DLC1: variants seen among roughly 807,000 people sequenced by gnomAD.
The protein encoded by DLC1 is DLC1 Rho GTPase activating protein.
In DLC1, 54 loss-of-function variants were observed where a neutral mutation model predicts 140.3. The ratio of observed to expected loss-of-function variants is 0.38; its 90% CI spans 0.31 to 0.48. DLC1 has a LOEUF of 0.48. DLC1 is among the 20% of genes least tolerant of loss of function. The pLI, the probability that DLC1 is intolerant of heterozygous loss-of-function variation, is 0.96. For missense variants in DLC1, 2,536 were observed against 1,907.0 expected (o/e 1.33, Z -6.14); for synonymous variants, 986 against 728.1 (o/e 1.35, Z -5.70).
At chr8:13,157,274 G>GA (rs999743898) in intron 5 of DLC1, among the ~76,000 whole-genome samples, 8 of 151,688 alleles carry the variant, frequency 5.3e-5, no homozygotes, top group Admixed American at 1.3e-4. Flanking sequence ...ACAGTAAAAA[G>GA]AAAAAAAAGA....
chr8:13,567,961 A>T, intron 1 of DLC1: 1 of 1,525,158 alleles, frequency 6.6e-7, no homozygotes, highest in Non-Finnish European at 8.8e-7. Context: ...ATGTGGATAG[A>T]TGTCTTTGTT....
At chr8:13,480,447 A>C (rs1800676685) in intron 2 of DLC1, among the ~76,000 whole-genome samples, 1 of 152,192 alleles carries the variant, frequency 6.6e-6, no homozygotes, top group Non-Finnish European at 1.5e-5. Flanking sequence ...GATCTTTTAA[A>C]GATAGACTAT....
chr8:13,115,032 C>T (rs1249570291), intron 6 of DLC1, among the ~76,000 whole-genome samples: 1 of 152,220 alleles, frequency 6.6e-6, no homozygotes, highest in African/African-American at 2.4e-5. Context: ...CAAGAATGTT[C>T]ACAACAGCAC....
intron 4 of DLC1, among the ~76,000 whole-genome samples, chr8:13,351,785 A>C (rs141335658): frequency 6.6e-6 from 1 of 152,236 alleles, no homozygotes; most frequent in Non-Finnish European, 1.5e-5. Flanking sequence ...CTGGATGTCT[A>C]TGTTCTGACA....
intron 1 of DLC1, among the ~76,000 whole-genome samples, chr8:13,576,040 A>C (rs1804825235): frequency 6.6e-6 from 1 of 152,226 alleles, no homozygotes; most frequent in South Asian, 2.1e-4. Context: ...AAAAGTGCAT[A>C]GATGGAGCCA....
chr8:13,585,462 C>T (rs920742197), intron 1 of DLC1, among the ~76,000 whole-genome samples: 52 of 152,096 alleles, frequency 3.4e-4, no homozygotes, highest in African/African-American at 1.2e-3. Context: ...TAGAACAAAC[C>T]ACAGGGTAGC....
At chr8:13,204,668 A>G (rs539718305) in intron 5 of DLC1, among the ~76,000 whole-genome samples, 200 of 152,332 alleles carry the variant, frequency 1.3e-3, no homozygotes, top group Non-Finnish European at 1.7e-3. Context: ...AAAATAAATC[A>G]TTGGCAAATA....
chr8:13,161,574 C>G (rs1162024734), intron 5 of DLC1, among the ~76,000 whole-genome samples: 1 of 152,164 alleles, frequency 6.6e-6, no homozygotes, highest in Non-Finnish European at 1.5e-5. Flanking sequence ...TGGCCTCAAA[C>G]AACCCTCCTG....
chr8:13,214,309 A>C (rs1212283914), intron 5 of DLC1: 1 of 235,990 alleles, frequency 4.2e-6, no homozygotes, highest in Non-Finnish European at 8.2e-6. Context: ...GTAAATGACC[A>C]ATTTAGCATC....
At chr8:13,378,693 T>C (rs1011558093) in intron 4 of DLC1, among the ~76,000 whole-genome samples, 13 of 152,180 alleles carry the variant, frequency 8.5e-5, no homozygotes, top group Non-Finnish European at 1.0e-4. Flanking sequence ...TGTAACAATA[T>C]TGAGAGTCTT....
At chr8:13,260,982 C>T (rs751692444) in intron 5 of DLC1, among the ~76,000 whole-genome samples, 1 of 152,076 alleles carries the variant, frequency 6.6e-6, no homozygotes, top group Admixed American at 6.6e-5. Context: ...GTGTGTATGC[C>T]TTTTGGTTTA....
chr8:13,291,018 C>T (rs1288352544), intron 5 of DLC1, among the ~76,000 whole-genome samples: 1 of 152,212 alleles, frequency 6.6e-6, no homozygotes, highest in African/African-American at 2.4e-5. Context: ...AAGGATTCTC[C>T]AGCCTCAGCC....
intron 5 of DLC1, among the ~76,000 whole-genome samples, chr8:13,154,229 C>G (rs115238907): frequency 2.0e-5 from 3 of 152,216 alleles, no homozygotes; most frequent in Non-Finnish European, 2.9e-5. Context: ...CCTCAGCCCT[C>G]GGGTGGTCAC....
At chr8:13,273,393 G>C (rs1563215677) in intron 5 of DLC1, among the ~76,000 whole-genome samples, 1 of 152,152 alleles carries the variant, frequency 6.6e-6, no homozygotes, top group Non-Finnish European at 1.5e-5. Context: ...AGTACCTTGG[G>C]GTTGGGAATA....
chr8:13,251,499 T>C (rs1287711722), intron 5 of DLC1, among the ~76,000 whole-genome samples: 1 of 152,146 alleles, frequency 6.6e-6, no homozygotes, highest in Non-Finnish European at 1.5e-5. Context: ...ATTTATAATT[T>C]TAGTTTTTAT....
intron 4 of DLC1, among the ~76,000 whole-genome samples, chr8:13,393,077 A>T (rs1314229093): frequency 2.6e-5 from 4 of 152,072 alleles, no homozygotes; most frequent in Non-Finnish European, 5.9e-5. Flanking sequence ...CTGTCTATCC[A>T]TCCATCTACA....
At chr8:13,111,194 ATG>A (rs983740540) in intron 6 of DLC1, among the ~76,000 whole-genome samples, 2 of 152,078 alleles carry the variant, frequency 1.3e-5, no homozygotes, top group African/African-American at 4.8e-5. Context: ...GGCTGTGTGT[ATG>A]TGTGTGTGTC....
At chr8:13,413,106 G>A (rs1837864338) in intron 2 of DLC1, among the ~76,000 whole-genome samples, 2 of 152,004 alleles carry the variant, frequency 1.3e-5, no homozygotes, top group African/African-American at 4.8e-5. Context: ...CTACTGATAA[G>A]GAAAGTGTTC....
chr8:13,326,564 T>C lies in DLC1; in HGVS notation c.1315-21262A>G, dbSNP rs148452931. Among the ~76,000 whole-genome samples the C allele has an allele frequency of 4.6e-5, 7 of 152,278 alleles. No homozygotes were observed. In the East Asian group the frequency reaches 1.4e-3, roughly 29 times the overall value. On this transcript the variant is annotated intron_variant, in intron 4 of 17. Transcript: ENST00000276297. ...GGACACCAACATTGGCTCCAAATTA[T>C]CTTGTCTCCACCAAGTTTGCCAAAA...
Sources: allele counts gnomAD v4.1 joint callset (sites outside exome capture counted in the v4.1 genomes callset), GRCh38; gene constraint gnomAD v4.1.1; transcripts MANE v1.5; gene names NCBI Gene and HGNC (gene_info 2026-07-23, HGNC 2026-07-21).